FTSJ1: variants seen among roughly 807,000 people sequenced by gnomAD.
The protein encoded by FTSJ1 is FtsJ RNA 2'-O-methyltransferase 1.
FTSJ1 carries 3 observed loss-of-function variants against 28.5 expected under a neutral mutation model. The ratio of observed to expected loss-of-function variants is 0.11; its 90% confidence interval spans 0.05 to 0.27. The LOEUF (loss-of-function observed/expected upper bound fraction) is 0.27. Ranked by LOEUF, FTSJ1 falls within the 10% of genes least tolerant of loss-of-function variation. The pLI, the probability that FTSJ1 is intolerant of heterozygous loss-of-function variation, is 1.00. For synonymous variants in FTSJ1, 104 were observed against 113.9 expected (o/e 0.91, Z 0.55); for missense variants, 162 against 279.0 (o/e 0.58, Z 2.99).
At position 48,476,275 on chromosome X, in the gene FTSJ1, G is replaced by A. The variant is rs1056055963; in HGVS notation, c.-209G>A. 2.7e-5 allele frequency: 8 copies of A among 297,663 alleles called. No individual in the cohort carries two copies. Among genetic ancestry groups the A allele is most frequent in the Admixed American group, 1.8e-4 (3 of 16,550 alleles). 24.5% of individuals were successfully genotyped at this position (297,663 alleles called of 1,213,427 possible). On this transcript the variant is annotated 5_prime_UTR_variant, in exon 1 of 13. Transcript: ENST00000348411. ...TTTGCCACGCTGCGACAGCCCATAG[G>A]CTTGCCCCCCCGGGCATTCGGGTGG...
intron 3 of FTSJ1, 35 bp from the exon 4 acceptor site, chrX:48,478,582 C>T (rs1216456769): frequency 5.0e-6 from 6 of 1,191,637 alleles, no homozygotes; most frequent in Non-Finnish European, 4.5e-6. Flanking sequence ...GGCCCGGGAG[C>T]GAAACTAGGC....
intron 12 of FTSJ1, among the ~76,000 whole-genome samples, chrX:48,483,595 C>T (rs2061583006): frequency 9.0e-6 from 1 of 110,633 alleles, no homozygotes; most frequent in African/African-American, 3.3e-5. Flanking sequence ...AAAAAATCCT[C>T]CCACCTCAGC....
rs141122439 is a variant in FTSJ1 at position 48,482,768 on chromosome X, C to G, written c.931C>G (p.Gln311Glu). ...DTFPQPLAAP[Q>E]CHTLLAPEME... ...GTTTCCCCAGCCCCTGGCCGCCCCT[C>G]AGTGCCACACCCTGCTGGCCCCTGA... Residue 311 changes from glutamine to glutamate, a missense_variant, in exon 11 of 13, where the codon CAG (glutamine) becomes GAG (glutamate). By Grantham distance (29) the Gln-to-Glu change is conservative. Coordinates refer to ENST00000348411, the MANE Select transcript of FTSJ1 (RefSeq NM_012280.4). 11 of 1,206,296 alleles carry G rather than the reference C, an allele frequency of 9.1e-6. No individual in the cohort carries two copies. The highest frequency in any genetic ancestry group is 1.8e-5 in the African/African-American group (1 of 56,784).
At chrX:48,478,197 C>T (rs1420507384) in intron 2 of FTSJ1, 29 bp downstream of exon 2, 7 of 1,182,279 alleles carry the variant, frequency 5.9e-6, no homozygotes, top group Admixed American at 2.3e-5. Context: ...GGTCACTGGG[C>T]GGTGAGGTGG....
At chrX:48,482,842 CT>C in intron 11 of FTSJ1, 48 bp downstream of exon 11, 2 of 1,205,590 alleles carry the variant, frequency 1.7e-6, no homozygotes, top group Non-Finnish European at 2.2e-6. Context: ...CCCCGTGTGC[CT>C]TTTTCTGACC....
intron 12 of FTSJ1, 133 bp downstream of exon 12, chrX:48,483,160 T>C (rs1556969258): frequency 1.8e-6 from 1 of 543,071 alleles, no homozygotes; most frequent in African/African-American, 2.3e-5. Context: ...AAACATCTGT[T>C]GTTGTATGCC....
At chrX:48,478,843 C>T in intron 4 of FTSJ1, 136 bp downstream of exon 4, 2 of 548,609 alleles carry the variant, frequency 3.6e-6, no homozygotes, top group Non-Finnish European at 6.3e-6. Context: ...CATGGAGAAA[C>T]AGTCAGCAGG....
At chrX:48,482,957 T>C (rs201235879) in intron 11 of FTSJ1, 29 bp from the exon 12 acceptor site, 8 of 1,208,162 alleles carry the variant, frequency 6.6e-6, no homozygotes, top group Non-Finnish European at 9.0e-6. Flanking sequence ...TCGCCAAATA[T>C]GTGAGTCACT....
chrX:48,481,696 C>G lies in FTSJ1; in HGVS notation c.636C>G (p.Pro212=), dbSNP rs2061570472. 1 of 1,175,990 alleles carries G rather than the reference C, an allele frequency of 8.5e-7. No individual in the cohort carries two copies. The highest frequency in any genetic ancestry group is 1.8e-5 in the African/African-American group (1 of 56,828). ...PEGFIPDLSK[P]LLDHSYDPDF... ...GCTTCATCCCGGACCTGAGCAAACCCCTGCTGGACCATTCTTACGGTGAGA... is the reference window on the plus strand; with the variant it reads ...GCTTCATCCCGGACCTGAGCAAACCGCTGCTGGACCATTCTTACGGTGAGA... Residue 212 remains proline (P), a synonymous_variant, in exon 9 of 13, where the codon CCC becomes CCG. Coordinates refer to ENST00000348411, the MANE Select transcript of FTSJ1 (RefSeq NM_012280.4).
chrX:48,479,015 A>C, intron 4 of FTSJ1, 23 bp from the exon 5 acceptor site: 1 of 1,144,606 alleles, frequency 8.7e-7, no homozygotes, highest in Non-Finnish European at 1.2e-6. Context: ...CCGTGGGGCC[A>C]CTCATCCTCC....
At position 48,481,452 on chromosome X, in the gene FTSJ1, C is replaced by T. The variant is rs34407506; in HGVS notation, c.495C>T (p.Leu165=). The change falls in exon 8 of 13, where the codon CTC becomes CTT. Residue 165 remains leucine, a synonymous_variant. Transcript: ENST00000348411. ...AKIFRGRDVT[L]LYSQLQVFFS... is the part of the protein sequence containing the mutation. ...TATTCCGAGGCCGGGATGTGACGCT[C>T]CTCTACAGCCAGCTGCAGGTCTTCT... is the stretch of plus-strand genomic sequence containing the variant. 3.0e-3 allele frequency: 3,664 copies of T among 1,210,631 alleles called. 83 individuals are homozygous for T. The African/African-American group carries it at 0.056, about 18-fold the overall frequency.
intron 1 of FTSJ1, 96 bp downstream of exon 1, chrX:48,476,492 TG>T: frequency 3.5e-6 from 1 of 284,542 alleles, no homozygotes; most frequent in Non-Finnish European, 6.2e-6. Flanking sequence ...AGGTCCGCCC[TG>T]GGCGCCGTAG....
intron 7 of FTSJ1, 25 bp downstream of exon 7, chrX:48,481,367 G>A (rs782541514): frequency 8.3e-7 from 1 of 1,201,625 alleles, no homozygotes; most frequent in Admixed American, 2.2e-5. Flanking sequence ...ACTTGGTGGA[G>A]TAGAGGGAGG....
chrX:48,479,103 C>T lies in FTSJ1; in HGVS notation c.348C>T (p.Asp116=), dbSNP rs781906726. 4.2e-6 allele frequency: 5 copies of T among 1,202,335 alleles called. No individual in the cohort carries two copies. The highest frequency in any genetic ancestry group is 3.5e-5 in the South Asian group (2 of 56,815). Residue 116 remains aspartate, a synonymous_variant, in exon 5 of 13, where the codon GAC becomes GAT. Transcript: ENST00000348411. ...KGCPADLVVC[D]GAPDVTGLHD... The stretch of plus-strand genomic sequence containing the variant: ...GCCCTGCGGACCTAGTGGTGTGTGA[C>T]GGGGCTCCTGATGGTAAATAGCAAC...
At position 48,482,640 on chromosome X, in the gene FTSJ1, C is replaced by T; in HGVS notation, c.803C>T (p.Pro268Leu). 1.7e-6 allele frequency: 2 copies of T among 1,203,999 alleles called. No individual in the cohort carries two copies. The highest frequency in any genetic ancestry group is 3.0e-5 in the East Asian group (1 of 33,476). Residue 268 changes from proline (P) to leucine (L), a missense_variant, in exon 11 of 13, where the codon CCC becomes CTC. Transcript: ENST00000348411. ...TACAAGTACACTCCACCCACACAGC[C>T]CCCCATCTCGCCACCATACCAGGAG... ...SEYKYTPPTQ[P>L]PISPPYQEAC...
rs368542351 is a variant in FTSJ1 at position 48,482,709 on chromosome X, G to A, written c.872G>A (p.Arg291His). The part of the protein sequence containing the change: ...KRKGQLAKEI[R>H]PQDCPISRVD... Reference sequence around the variant, plus strand: ...AAGGGGCAGCTGGCCAAGGAGATCCGCCCCCAGGACTGCCCCATCAGCAGA... The same window carrying A: ...AAGGGGCAGCTGGCCAAGGAGATCCACCCCCAGGACTGCCCCATCAGCAGA... Residue 291 changes from arginine to histidine, a missense_variant, in exon 11 of 13, where the codon CGC (arginine) becomes CAC (histidine). Coordinates refer to ENST00000348411, the MANE Select transcript of FTSJ1 (RefSeq NM_012280.4). 149 of 1,205,962 alleles carry A rather than the reference G, an allele frequency of 1.2e-4. No individual in the cohort carries two copies. Among genetic ancestry groups the A allele is most frequent in the Non-Finnish European group, 1.5e-4 (138 of 893,266 alleles).
At chrX:48,484,847 A>G (rs1339794146) in intron 12 of FTSJ1, among the ~76,000 whole-genome samples, 2 of 112,258 alleles carry the variant, frequency 1.8e-5, no homozygotes, top group Non-Finnish European at 3.8e-5. Flanking sequence ...ACAAGTGAAA[A>G]CTCAAAATAT....
chrX:48,480,922 C>T (rs1279940590), intron 5 of FTSJ1, among the ~76,000 whole-genome samples: 1 of 110,665 alleles, frequency 9.0e-6, no homozygotes, highest in East Asian at 2.8e-4. Flanking sequence ...ACAGTCTGGG[C>T]TGGAGGTGGA....
intron 8 of FTSJ1, 42 bp from the exon 9 acceptor site, chrX:48,481,590 G>A: frequency 4.4e-6 from 5 of 1,147,956 alleles, no homozygotes; most frequent in Non-Finnish European, 6.0e-6. Flanking sequence ...ACTGCACGAG[G>A]AGGAAGCGGC....
Sources: allele counts gnomAD v4.1 joint callset (sites outside exome capture counted in the v4.1 genomes callset), GRCh38; gene constraint gnomAD v4.1.1; transcripts MANE v1.5; gene names NCBI Gene and HGNC (gene_info 2026-07-23, HGNC 2026-07-21).